Variants in ZBTB20 observed in about 807,000 individuals in gnomAD.
ZBTB20 encodes zinc finger and BTB domain-containing protein 20.
A neutral mutation model predicts 56.9 loss-of-function variants in ZBTB20; 9 were observed. That is an observed-to-expected ratio of 0.16 (90% CI 0.10 to 0.28). The LOEUF is 0.28. Among genes scored for constraint, ZBTB20 ranks in the 10% least tolerant of loss-of-function variants. The pLI is 1.00. For synonymous variants in ZBTB20, 417 were observed against 420.7 expected, an observed-to-expected ratio of 0.99 and a Z score of 0.11; for missense variants, 655 against 1,003.0, an observed-to-expected ratio of 0.65 and a Z score of 4.69.
At chr3:114,659,714 CT>C (rs1489313319) in intron 6 of ZBTB20, among the ~76,000 whole-genome samples, 3 of 152,124 alleles carry the variant, frequency 2.0e-5, no homozygotes, top group Admixed American at 6.6e-5. Context: ...AGGCATTTTT[CT>C]TTTAGGGAGA....
intron 6 of ZBTB20, among the ~76,000 whole-genome samples, chr3:114,589,157 C>A (rs573106933): frequency 1.3e-5 from 2 of 152,262 alleles, no homozygotes; most frequent in Non-Finnish European, 2.9e-5. Flanking sequence ...AGGACACAGC[C>A]AAACCATATC....
intron 7 of ZBTB20, among the ~76,000 whole-genome samples, chr3:114,474,794 A>G (rs1221986204): frequency 2.6e-5 from 4 of 152,138 alleles, no homozygotes; most frequent in African/African-American, 9.7e-5. Context: ...CATTTCATAA[A>G]TCAGTTTGCC....
chr3:115,041,507 C>T (rs904529051), intron 2 of ZBTB20, among the ~76,000 whole-genome samples: 2 of 152,204 alleles, frequency 1.3e-5, no homozygotes, highest in South Asian at 2.1e-4. Context: ...GATTCTAATG[C>T]CATTCTGTGA....
intron 4 of ZBTB20, among the ~76,000 whole-genome samples, chr3:114,892,114 T>C (rs1488151784): frequency 6.6e-6 from 1 of 152,210 alleles, no homozygotes; most frequent in African/African-American, 2.4e-5. Context: ...TGTCCTAAAA[T>C]TTGTATCTCT....
chr3:114,851,556 T>C (rs1413441980), intron 4 of ZBTB20, among the ~76,000 whole-genome samples: 1 of 152,134 alleles, frequency 6.6e-6, no homozygotes, highest in East Asian at 1.9e-4. Context: ...GGATTTCTCA[T>C]TTAGTAATTA....
intron 7 of ZBTB20, among the ~76,000 whole-genome samples, chr3:114,408,855 C>G (rs1045456536): frequency 6.6e-6 from 1 of 152,124 alleles, no homozygotes; most frequent in South Asian, 2.1e-4. Flanking sequence ...GGAGAAGGAG[C>G]TCCTCTCTAG....
chr3:114,625,228 G>GA (rs562687924), intron 6 of ZBTB20, among the ~76,000 whole-genome samples: 37 of 146,200 alleles, frequency 2.5e-4, no homozygotes, highest in Admixed American at 4.1e-4. Context: ...AGCATCAAGA[G>GA]AAAAAAAAAA....
chr3:114,503,999 A>G (rs2044301818), intron 6 of ZBTB20, among the ~76,000 whole-genome samples: 1 of 152,104 alleles, frequency 6.6e-6, no homozygotes, highest in Non-Finnish European at 1.5e-5. Flanking sequence ...CCATTCATGA[A>G]TCCCAGGTTA....
At chr3:114,986,462 T>C (rs568526164) in intron 2 of ZBTB20, among the ~76,000 whole-genome samples, 1 of 152,170 alleles carries the variant, frequency 6.6e-6, no homozygotes, top group African/African-American at 2.4e-5. Flanking sequence ...GATTTGTTTA[T>C]AATAAACTCA....
chr3:114,992,633 C>G (rs976862083), intron 2 of ZBTB20, among the ~76,000 whole-genome samples: 2 of 151,700 alleles, frequency 1.3e-5, no homozygotes, highest in Non-Finnish European at 2.9e-5. Flanking sequence ...ACAGACAAAG[C>G]CTGAAGCCAA....
intron 5 of ZBTB20, among the ~76,000 whole-genome samples, chr3:114,772,511 C>T (rs556649069): frequency 2.0e-5 from 3 of 152,114 alleles, no homozygotes; most frequent in African/African-American, 7.2e-5. Context: ...AATTTCTGGT[C>T]TACCTCAAGC....
intron 3 of ZBTB20, among the ~76,000 whole-genome samples, chr3:114,956,041 T>A (rs2077235173): frequency 6.6e-6 from 1 of 152,178 alleles, no homozygotes; most frequent in African/African-American, 2.4e-5. Flanking sequence ...TAGTATTAAA[T>A]ATGTTCTACT....
At chr3:114,514,072 A>C (rs950132106) in intron 6 of ZBTB20, among the ~76,000 whole-genome samples, 9 of 152,200 alleles carry the variant, frequency 5.9e-5, no homozygotes, top group African/African-American at 2.2e-4. Flanking sequence ...GATTTAAAAA[A>C]TTCATGGTAT....
chr3:114,394,466 A>C (rs1217394455), intron 7 of ZBTB20, among the ~76,000 whole-genome samples: 2 of 152,188 alleles, frequency 1.3e-5, no homozygotes, highest in African/African-American at 2.4e-5. Context: ...AAGATCTGGG[A>C]GCACAGACTC....
chr3:115,133,879 C>G, intron 1 of ZBTB20, among the ~76,000 whole-genome samples: 1 of 152,152 alleles, frequency 6.6e-6, no homozygotes, highest in East Asian at 1.9e-4. Context: ...TATCACTTCT[C>G]TTGAGTATAT....
At chr3:114,887,827 C>A (rs1476920542) in intron 4 of ZBTB20, among the ~76,000 whole-genome samples, 1 of 152,108 alleles carries the variant, frequency 6.6e-6, no homozygotes, top group South Asian at 2.1e-4. Context: ...CAGAGGAAGA[C>A]ATACAGAAGT....
chr3:114,800,734 C>T (rs1231941816), intron 5 of ZBTB20, among the ~76,000 whole-genome samples: 2 of 148,944 alleles, frequency 1.3e-5, no homozygotes, highest in East Asian at 3.9e-4. Flanking sequence ...AATCTTTTAC[C>T]TTCAGTGAGA....
chr3:114,778,350 A>G lies in ZBTB20; in HGVS notation c.-343+22751T>C, dbSNP rs535130227. ...GGCAACAAGAGCAAAACTCCATCTC[A>G]AAACAAAACAGCAACAACAACAAAA... On this transcript the variant is annotated intron_variant, in intron 5 of 11. Coordinates refer to ENST00000675478, the MANE Select transcript of ZBTB20 (RefSeq NM_001348800.3). Among the ~76,000 whole-genome samples the G allele has an allele frequency of 8.6e-5, 13 of 150,872 alleles. No individual in the cohort carries two copies. In the East Asian group the frequency reaches 2.1e-3, roughly 25 times the overall value.
intron 6 of ZBTB20, among the ~76,000 whole-genome samples, chr3:114,505,331 TAAGTAATCATA>T (rs1199929559): frequency 2.6e-5 from 4 of 152,006 alleles, no homozygotes; most frequent in African/African-American, 9.7e-5. Flanking sequence ...AAAGGGAAAA[TAAGTAATCATA>T]ACTCACACCA....
Sources: allele counts gnomAD v4.1 joint callset (sites outside exome capture counted in the v4.1 genomes callset), GRCh38; gene constraint gnomAD v4.1.1; transcripts MANE v1.5; gene names NCBI Gene and HGNC (gene_info 2026-07-23, HGNC 2026-07-21).